Variants in BCL2L11 observed in about 807,000 individuals in gnomAD.
BCL2L11 encodes BCL2 like 11.
A neutral mutation model predicts 20.6 loss-of-function variants in BCL2L11; 15 were observed. The ratio of observed to expected loss-of-function variants is 0.73; its 90% CI spans 0.49 to 1.12. The LOEUF (loss-of-function observed/expected upper bound fraction) is 1.12, where lower values mean the gene tolerates loss of function less well. Ranked by LOEUF, BCL2L11 falls within the 50% of genes most tolerant of loss-of-function variation. BCL2L11 has a pLI of 0.00. For missense variants in BCL2L11, 292 were observed against 260.9 expected (o/e 1.12, Z -0.82); for synonymous variants, 108 against 92.8 (o/e 1.16, Z -0.94).
rs1167709916 is a variant in BCL2L11, at chr2:111,166,922, CTG to C, written c.*2696_*2697del. The C allele has an allele frequency of 6.6e-6, 1 of 152,590 alleles. No homozygotes were observed. Among genetic ancestry groups the C allele is most frequent in the African/African-American group, 2.4e-5 (1 of 41,432 alleles). The allele number at this position is 152,590 out of a possible 1,614,324, so 9.5% of individuals were successfully genotyped here. Reference sequence around the variant, plus strand: ...ATTACTTATCAACTGAGCCAAATGTCTGTGTGCAATTGTGTTTCCTTTACCTT... The same window carrying C: ...ATTACTTATCAACTGAGCCAAATGTCTGTGCAATTGTGTTTCCTTTACCTT... On this transcript the variant is annotated 3_prime_UTR_variant, in exon 4 of 4. Transcript: ENST00000393256.
chr2:111,162,311 C>T (rs1227734210), intron 3 of BCL2L11, among the ~76,000 whole-genome samples: 1 of 152,214 alleles, frequency 6.6e-6, no homozygotes, highest in Non-Finnish European at 1.5e-5. Context: ...GGCAGGCATC[C>T]CCGCACACTT....
At chr2:111,151,780 G>C in intron 3 of BCL2L11, 2 of 1,442,206 alleles carry the variant, frequency 1.4e-6, no homozygotes, top group Non-Finnish European at 1.9e-6. Context: ...TGGGAAGTGT[G>C]ACATTGATGG....
At chr2:111,156,947 T>C (rs531803912) in intron 3 of BCL2L11, among the ~76,000 whole-genome samples, 30 of 152,216 alleles carry the variant, frequency 2.0e-4, no homozygotes, top group Admixed American at 7.2e-4. Context: ...TGTTCACCTG[T>C]CTATCTTTTA....
intron 2 of BCL2L11, among the ~76,000 whole-genome samples, chr2:111,141,215 G>A (rs1249961260): frequency 4.6e-5 from 7 of 152,046 alleles, no homozygotes; most frequent in African/African-American, 9.7e-5. Context: ...CAATCCACAC[G>A]TATGTTTATT....
At position 111,168,273 on chromosome 2, in the gene BCL2L11, G is replaced by A. The variant is rs2079121015; in HGVS notation, c.*4042G>A. On this transcript the variant is annotated 3_prime_UTR_variant, in exon 4 of 4. Transcript: ENST00000393256. The stretch of plus-strand genomic sequence containing the variant: ...GATCCATCACTAACCTGTTTTCTAG[G>A]ACCCAGCGTATGTAGCATTTGTATT... The A allele has an allele frequency of 6.6e-6, 1 of 152,596 alleles. No individual in the cohort carries two copies. The highest frequency in any genetic ancestry group is 2.4e-5 in the African/African-American group (1 of 41,434). 9.5% of individuals were successfully genotyped at this position (152,596 alleles called of 1,614,324 possible). A position where few individuals can be genotyped will look rare whatever the true frequency, so the allele number is the denominator to read the frequency against.
chr2:111,154,063 A>T (rs971421601), intron 3 of BCL2L11, among the ~76,000 whole-genome samples: 4 of 152,224 alleles, frequency 2.6e-5, no homozygotes, highest in African/African-American at 9.6e-5. Flanking sequence ...TTTCAGACTT[A>T]CAAAAATGTT....
chr2:111,144,524 A>G (rs2076252109), intron 2 of BCL2L11: 1 of 1,550,558 alleles, frequency 6.4e-7, no homozygotes, highest in East Asian at 2.4e-5. Flanking sequence ...CACCCAGGTG[A>G]GTTTTATAAG....
chr2:111,128,651 A>G (rs1043976619), intron 2 of BCL2L11: 1 of 1,536,690 alleles, frequency 6.5e-7, no homozygotes, highest in Non-Finnish European at 8.7e-7. Context: ...GATATAGGTG[A>G]TCTTTCACTG....
chr2:111,122,660 C>T (rs1389589893), intron 1 of BCL2L11: 6 of 983,418 alleles, frequency 6.1e-6, no homozygotes, highest in Non-Finnish European at 7.2e-6. Flanking sequence ...GGAGGATGTT[C>T]CCGGCGGCTG....
rs1377958636 is a variant in BCL2L11 at position 111,142,294 on chromosome 2, A to G, written c.395-7750A>G. 1.4e-5 allele frequency: 21 copies of G among 1,547,968 alleles called. No homozygotes were observed. In the South Asian group the frequency reaches 1.9e-4, roughly 14 times the overall value. On this transcript the variant is annotated intron_variant, in intron 2 of 3. Transcript: ENST00000393256. ...AGACATGGCACAATTTATTTATACA[A>G]CATTTTTATGGCTTGCAGATGACTC...
chr2:111,134,707 A>G (rs1215417301), intron 2 of BCL2L11, among the ~76,000 whole-genome samples: 2 of 152,092 alleles, frequency 1.3e-5, no homozygotes, highest in Non-Finnish European at 2.9e-5. Context: ...TAGGTCTGTT[A>G]GTAACAACTC....
intron 2 of BCL2L11, among the ~76,000 whole-genome samples, chr2:111,124,710 A>G (rs996598345): frequency 7.9e-5 from 12 of 152,252 alleles, no homozygotes; most frequent in African/African-American, 2.4e-4. Flanking sequence ...GGCTTTACAT[A>G]GTAATGACAT....
At chr2:111,127,957 G>C (rs1411722173) in intron 2 of BCL2L11, among the ~76,000 whole-genome samples, 1 of 152,044 alleles carries the variant, frequency 6.6e-6, no homozygotes, top group Non-Finnish European at 1.5e-5. Context: ...TAAACACAAA[G>C]CGTAAAATTT....
intron 2 of BCL2L11, among the ~76,000 whole-genome samples, chr2:111,148,434 C>G (rs1367734886): frequency 6.6e-6 from 1 of 152,242 alleles, no homozygotes; most frequent in African/African-American, 2.4e-5. Context: ...ACTATGACAT[C>G]AGCATCACCT....
chr2:111,150,336 A>G, intron 3 of BCL2L11, 189 bp downstream of exon 3: 1 of 1,210,164 alleles, frequency 8.3e-7, no homozygotes, highest in Non-Finnish European at 1.1e-6. Flanking sequence ...AATGGCACTT[A>G]AATAAAATAA....
intron 2 of BCL2L11, among the ~76,000 whole-genome samples, chr2:111,138,825 A>G (rs1321389169): frequency 1.3e-5 from 2 of 152,120 alleles, no homozygotes; most frequent in Non-Finnish European, 2.9e-5. Context: ...TCTGAGCTTC[A>G]GCTTCCTCAG....
chr2:111,130,379 C>G (rs918117625), intron 2 of BCL2L11: 5 of 212,258 alleles, frequency 2.4e-5, no homozygotes, highest in Admixed American at 5.8e-5. Context: ...GTTGGGATTA[C>G]AGGCGTGAGC....
chr2:111,121,708 C>T (rs1417992478), intron 1 of BCL2L11, among the ~76,000 whole-genome samples: 2 of 152,230 alleles, frequency 1.3e-5, no homozygotes, highest in African/African-American at 4.8e-5. Flanking sequence ...CACGGCTTTT[C>T]CTTTTACTCA....
At chr2:111,161,668 A>AG in intron 3 of BCL2L11, 4 of 1,189,368 alleles carry the variant, frequency 3.4e-6, no homozygotes, top group South Asian at 1.6e-5. Context: ...CCTGCAATAC[A>AG]GGGATTGTCA....
Sources: gnomAD v4.1 joint callset for allele counts (sites outside exome capture counted in the v4.1 genomes callset) on GRCh38, gnomAD v4.1.1 for gene constraint, MANE v1.5 for transcripts, NCBI Gene and HGNC (gene_info 2026-07-23, HGNC 2026-07-21) for gene names.